The following PREX1 variants were observed in gnomAD, a reference collection of about 807,000 sequenced individuals.
PREX1 encodes phosphatidylinositol 3,4,5-trisphosphate-dependent Rac exchanger 1 protein.
A neutral mutation model predicts 198.3 loss-of-function variants in PREX1; 41 were observed. The ratio of observed to expected loss-of-function variants is 0.21; its 90% CI spans 0.16 to 0.27. PREX1 has a LOEUF of 0.27. PREX1 is among the 10% of genes least tolerant of loss of function. The pLI is 1.00. For missense variants in PREX1, 1,620 were observed against 2,200.7 expected (o/e 0.74, Z 5.28); for synonymous variants, 843 against 887.2 (o/e 0.95, Z 0.89).
At chr20:48,864,526 A>C in the PREX1 span, among the ~76,000 whole-genome samples, 1 of 152,312 alleles carries the variant, frequency 6.6e-6, no homozygotes, top group Admixed American at 6.5e-5. Flanking sequence ...TGTTATCTCA[A>C]TTTTGCAGAT....
intron 4 of PREX1, among the ~76,000 whole-genome samples, chr20:48,727,455 A>G (rs1320809564): frequency 3.9e-5 from 6 of 151,914 alleles, no homozygotes; most frequent in Admixed American, 1.3e-4. Context: ...CTCTTCCCCA[A>G]TAAAAATAAT....
intron 33 of PREX1, among the ~76,000 whole-genome samples, chr20:48,632,844 C>T (rs1020791722): frequency 1.3e-5 from 2 of 152,188 alleles, no homozygotes; most frequent in African/African-American, 2.4e-5. Flanking sequence ...AGCAGCCCTT[C>T]CCTCTCACTC....
chr20:48,710,851 C>G (rs780575041), intron 5 of PREX1, among the ~76,000 whole-genome samples: 1 of 152,128 alleles, frequency 6.6e-6, no homozygotes, highest in Admixed American at 6.5e-5. Context: ...CCTGAGGCAG[C>G]GAGAAGCAGC....
the PREX1 span, among the ~76,000 whole-genome samples, chr20:48,840,579 GGCAGTGACA>G: frequency 6.6e-6 from 1 of 152,172 alleles, no homozygotes; most frequent in Non-Finnish European, 1.5e-5. Context: ...AGGTGTGTGG[GGCAGTGACA>G]GCAGAGATGT....
chr20:48,799,894 A>C (rs2123005072), intron 1 of PREX1, among the ~76,000 whole-genome samples: 1 of 152,120 alleles, frequency 6.6e-6, no homozygotes, highest in Non-Finnish European at 1.5e-5. Flanking sequence ...TCCAGATAGG[A>C]TCTCACTCTA....
Position 48,691,425 on chromosome 20 carries a change from G to A in PREX1, c.1037-329C>T, listed in dbSNP as rs115541708. The stretch of plus-strand genomic sequence containing the variant: ...TTCCTGGGCTCCTCCCATCTCACTC[G>A]GGCACTGGAGTTACTTAAAACCTTA... On this transcript the variant is annotated intron_variant, in intron 8 of 39. Transcript: ENST00000371941. The surrounding 1 kb of genome is among the most constrained non-coding windows in gnomAD (Gnocchi z 5.0). Among the ~76,000 whole-genome samples, 1,950 of 152,168 alleles carry A rather than the reference G, an allele frequency of 0.013. 43 individuals are homozygous for A. Among genetic ancestry groups the A allele is most frequent in the African/African-American group, 0.045 (1,856 of 41,496 alleles).
At chr20:48,820,175 C>T (rs1391912034) in intron 1 of PREX1, among the ~76,000 whole-genome samples, 1 of 152,230 alleles carries the variant, frequency 6.6e-6, no homozygotes. Flanking sequence ...CCTTCTGGTC[C>T]TCAAGGAGCC....
the PREX1 span, among the ~76,000 whole-genome samples, chr20:48,862,780 T>TAAAAAAAAAAAAAAAAAAAA: frequency 3.5e-4 from 35 of 99,178 alleles, 1 homozygote; most frequent in South Asian, 2.2e-3. Flanking sequence ...TAAAAAAGCC[T>TAAAAAAAAAAAAAAAAAAAA]AAAAAAAAAA....
At chr20:48,637,555 G>A (rs1451513901) in intron 31 of PREX1, among the ~76,000 whole-genome samples, 156 bp downstream of exon 31, 1 of 152,244 alleles carries the variant, frequency 6.6e-6, no homozygotes, top group Non-Finnish European at 1.5e-5. Context: ...TTGTCCCTTG[G>A]ACACAAGAGG....
chr20:48,763,008 G>A (rs1196985780), intron 1 of PREX1, among the ~76,000 whole-genome samples: 1 of 152,180 alleles, frequency 6.6e-6, no homozygotes, highest in Non-Finnish European at 1.5e-5. Flanking sequence ...CAGCCAATAT[G>A]AAGTTTCTTT....
Position 48,676,296 on chromosome 20 carries a change from C to A in PREX1, c.1590-28G>T, listed in dbSNP as rs766300879. ...GTGGAGAAGGTGAGCGCACAGTGAG[C>A]AGGGCAGGGCGGGGAGGACAGAGGT... is the stretch of plus-strand genomic sequence containing the variant. On this transcript the variant is annotated intron_variant, in intron 13 of 39. Transcript: ENST00000371941. The A allele has an allele frequency of 3.7e-6, 6 of 1,604,808 alleles. No homozygotes were observed. The South Asian group carries it at 6.6e-5, about 18-fold the overall frequency.
chr20:48,733,686 C>T (rs2090044298), intron 4 of PREX1, among the ~76,000 whole-genome samples: 2 of 30,312 alleles, frequency 6.6e-5, no homozygotes, highest in Middle Eastern at 0.019. Flanking sequence ...AAAAGTAAAT[C>T]CCTCTGTTGT....
intron 1 of PREX1, among the ~76,000 whole-genome samples, chr20:48,808,372 A>C (rs2090421288): frequency 6.6e-6 from 1 of 152,206 alleles, no homozygotes; most frequent in Non-Finnish European, 1.5e-5. Context: ...ACCACTGTGC[A>C]GATGAGAAAA....
At chr20:48,868,049 A>C in the PREX1 span, among the ~76,000 whole-genome samples, 1 of 152,120 alleles carries the variant, frequency 6.6e-6, no homozygotes, top group Non-Finnish European at 1.5e-5. Context: ...TGTTCAGTAC[A>C]TTCTCACTGT....
chr20:48,699,857 A>C (rs2089865213), intron 7 of PREX1, among the ~76,000 whole-genome samples: 1 of 152,010 alleles, frequency 6.6e-6, no homozygotes, highest in Non-Finnish European at 1.5e-5. Flanking sequence ...CCAGCTTTCC[A>C]TCTATTCCTC....
intron 3 of PREX1, among the ~76,000 whole-genome samples, chr20:48,735,779 G>A (rs528953403): frequency 1.6e-4 from 24 of 152,228 alleles, no homozygotes; most frequent in South Asian, 1.0e-3. Context: ...GGGTCTCGCC[G>A]CTAGTGCAGT....
the PREX1 span, among the ~76,000 whole-genome samples, chr20:48,876,467 TTC>T: frequency 6.6e-6 from 1 of 152,214 alleles, no homozygotes; most frequent in Non-Finnish European, 1.5e-5. Flanking sequence ...TTTGCTTGTT[TTC>T]TCTTTTTATC....
At chr20:48,851,867 T>C in the PREX1 span, among the ~76,000 whole-genome samples, 6 of 152,324 alleles carry the variant, frequency 3.9e-5, no homozygotes, top group African/African-American at 1.4e-4. Context: ...TGTGAGAGCC[T>C]TGAACTTGGT....
At chr20:48,730,687 A>G (rs1397731705) in intron 4 of PREX1, among the ~76,000 whole-genome samples, 1 of 152,110 alleles carries the variant, frequency 6.6e-6, no homozygotes, top group African/African-American at 2.4e-5. Context: ...CTTTAATTAA[A>G]AAGCTTTTTT....
Sources: gnomAD v4.1 joint callset for allele counts (sites outside exome capture counted in the v4.1 genomes callset) on GRCh38, gnomAD v4.1.1 for gene constraint, Gnocchi (gnomAD v3.1) non-coding constraint, MANE v1.5 for transcripts, NCBI Gene and HGNC (gene_info 2026-07-23, HGNC 2026-07-21) for gene names.